The following DCBLD2 variants were observed in gnomAD, a reference collection of about 807,000 sequenced individuals.
DCBLD2 encodes the protein discoidin, CUB and LCCL domain-containing protein 2.
A neutral mutation model predicts 86.8 loss-of-function variants in DCBLD2; 54 were observed. The observed-to-expected ratio is 0.62, with a 90% CI of 0.50 to 0.78. DCBLD2 has a LOEUF of 0.78. DCBLD2 is among the 30% of genes least tolerant of loss of function. The probability of loss-of-function intolerance (pLI) is 0.00; values close to 1 mark genes in which losing one functional copy is unlikely to be tolerated. For synonymous variants in DCBLD2, 354 were observed against 341.3 expected (o/e 1.04, Z -0.41); for missense variants, 908 against 954.2 (o/e 0.95, Z 0.64).
rs1195785094 is a variant in DCBLD2, at chr3:98,796,510, T to A, written c.*2862A>T. The A allele has an allele frequency of 1.3e-5, 2 of 152,602 alleles. No individual in the cohort carries two copies. The highest frequency in any genetic ancestry group is 6.5e-5 in the Admixed American group (1 of 15,278). 9.5% of individuals were successfully genotyped at this position (152,602 alleles called of 1,614,324 possible). Reference sequence around the variant, plus strand: ...CACCTTCCACAGCTTTGTGGCCACATTCATATTTAGATAAGCTCGGACTCT... The same window carrying A: ...CACCTTCCACAGCTTTGTGGCCACAATCATATTTAGATAAGCTCGGACTCT... On this transcript the variant is annotated 3_prime_UTR_variant, in exon 16 of 16. Coordinates refer to ENST00000326840, the MANE Select transcript of DCBLD2 (RefSeq NM_080927.4).
intron 2 of DCBLD2, among the ~76,000 whole-genome samples, chr3:98,854,212 G>A (rs532872572): frequency 6.6e-6 from 1 of 152,158 alleles, no homozygotes; most frequent in African/African-American, 2.4e-5. Context: ...AAGAGGCCAT[G>A]ATAGCTCCTG....
chr3:98,867,762 A>AT (rs1375070160), intron 2 of DCBLD2, among the ~76,000 whole-genome samples: 7 of 151,198 alleles, frequency 4.6e-5, no homozygotes, highest in African/African-American at 1.5e-4. Flanking sequence ...ATGGAAAAGC[A>AT]TTTTTTTTAA....
At chr3:98,848,012 C>T (rs1312902297) in intron 3 of DCBLD2, among the ~76,000 whole-genome samples, 1 of 152,054 alleles carries the variant, frequency 6.6e-6, no homozygotes, top group African/African-American at 2.4e-5. Flanking sequence ...GGTACATGTG[C>T]AGGTTTGTTC....
intron 6 of DCBLD2, among the ~76,000 whole-genome samples, 154 bp from the exon 7 acceptor site, chr3:98,820,442 G>T (rs907374128): frequency 1.3e-5 from 2 of 151,978 alleles, no homozygotes; most frequent in African/African-American, 4.8e-5. Context: ...ATTGTTCCTA[G>T]GAAAAAAGTC....
At chr3:98,866,505 C>T (rs531013952) in intron 2 of DCBLD2, among the ~76,000 whole-genome samples, 3 of 152,154 alleles carry the variant, frequency 2.0e-5, no homozygotes, top group Non-Finnish European at 4.4e-5. Context: ...GCATAAATGT[C>T]TTCTTTTGAG....
At chr3:98,892,134 C>G (rs138099232) in intron 1 of DCBLD2, among the ~76,000 whole-genome samples, 251 of 152,204 alleles carry the variant, frequency 1.6e-3, no homozygotes, top group Admixed American at 6.5e-3. Context: ...GACTTAGATT[C>G]AAATTCTAGA....
intron 2 of DCBLD2, among the ~76,000 whole-genome samples, chr3:98,858,803 T>C (rs1455402872): frequency 6.6e-6 from 1 of 152,110 alleles, no homozygotes; most frequent in Non-Finnish European, 1.5e-5. Flanking sequence ...CCAACAGATA[T>C]ATGAAAAAAT....
intron 8 of DCBLD2, among the ~76,000 whole-genome samples, chr3:98,818,565 T>C (rs940839773): frequency 1.3e-5 from 2 of 152,236 alleles, no homozygotes; most frequent in African/African-American, 2.4e-5. Context: ...CAGGTGTGTC[T>C]GTGAGGGTGT....
chr3:98,858,012 A>G lies in DCBLD2; in HGVS notation c.434-8414T>C, dbSNP rs1942968346. Among the ~76,000 whole-genome samples the G allele has an allele frequency of 3.9e-5, 6 of 152,370 alleles. No homozygotes were observed. The South Asian group carries it at 1.2e-3, about 32-fold the overall frequency. Reference sequence around the variant, plus strand: ...TGGGTGGTCAATGGGACTGGGTGCCATGGAGCAGGGGGCGGTGCTCGTCGG... The same window carrying G: ...TGGGTGGTCAATGGGACTGGGTGCCGTGGAGCAGGGGGCGGTGCTCGTCGG... On this transcript the variant is annotated intron_variant, in intron 2 of 15. Transcript: ENST00000326840.
chr3:98,899,732 C>G (rs1943815958), intron 1 of DCBLD2, among the ~76,000 whole-genome samples: 1 of 152,124 alleles, frequency 6.6e-6, no homozygotes, highest in African/African-American at 2.4e-5. Flanking sequence ...ACCTTATATT[C>G]TTTGTGTCTC....
At chr3:98,809,362 T>C (rs1355229513) in intron 12 of DCBLD2, among the ~76,000 whole-genome samples, 1 of 151,822 alleles carries the variant, frequency 6.6e-6, no homozygotes, top group Non-Finnish European at 1.5e-5. Flanking sequence ...AACAACTGTA[T>C]CCAAAAGAGA....
chr3:98,810,393 C>T (rs766557526), intron 12 of DCBLD2, among the ~76,000 whole-genome samples: 8 of 152,216 alleles, frequency 5.3e-5, no homozygotes, highest in Non-Finnish European at 7.3e-5. Flanking sequence ...AGAAAGTTAT[C>T]TGAATCCAGG....
At chr3:98,872,265 A>T (rs1943291997) in intron 2 of DCBLD2, among the ~76,000 whole-genome samples, 2 of 152,194 alleles carry the variant, frequency 1.3e-5, no homozygotes, top group Admixed American at 1.3e-4. Flanking sequence ...CAGATCTCTT[A>T]TAAATTGATT....
In DCBLD2 at chr3:98,797,911, T is replaced by C. The variant is rs1450040895; in HGVS notation, c.*1461A>G. ...CATTAAATCTACAAACAAAGGTTTA[T>C]GGAAGAGGGAATGTCAAATTTATGT... On this transcript the variant is annotated 3_prime_UTR_variant, in exon 16 of 16. Coordinates refer to ENST00000326840, the MANE Select transcript of DCBLD2 (RefSeq NM_080927.4). The C allele has an allele frequency of 6.6e-6, 1 of 152,230 alleles. No homozygotes were observed. The highest frequency in any genetic ancestry group is 2.4e-5 in the African/African-American group (1 of 41,464). The allele number at this position is 152,230 out of a possible 1,614,324, so 9.4% of individuals were successfully genotyped here.
intron 3 of DCBLD2, among the ~76,000 whole-genome samples, chr3:98,825,639 GTATTTATATATATA>G (rs1442424012): frequency 5.4e-4 from 32 of 59,434 alleles, no homozygotes; most frequent in African/African-American, 1.1e-3. Context: ...ATGTATATGT[GTATTTATATATATA>G]TATATATATA....
chr3:98,840,538 C>T (rs764540671), intron 3 of DCBLD2, among the ~76,000 whole-genome samples: 88 of 152,224 alleles, frequency 5.8e-4, no homozygotes, highest in Admixed American at 1.7e-3. Flanking sequence ...GCTCTGTCAC[C>T]GAGGCTAGAG....
chr3:98,849,654 T>C (rs1942798444), intron 2 of DCBLD2, 56 bp from the exon 3 acceptor site: 3 of 1,565,360 alleles, frequency 1.9e-6, no homozygotes, highest in Non-Finnish European at 2.6e-6. Flanking sequence ...GTCAATAATA[T>C]TTGCAATGTA....
chr3:98,896,523 A>G (rs548425300), intron 1 of DCBLD2, among the ~76,000 whole-genome samples: 5 of 152,340 alleles, frequency 3.3e-5, no homozygotes, highest in Admixed American at 6.5e-5. Flanking sequence ...AAATTAGCCT[A>G]TAAGTTAATT....
In DCBLD2 at chr3:98,822,133, G is replaced by A. The variant is rs765051865; in HGVS notation, c.830+95C>T. The A allele has an allele frequency of 1.0e-5, 14 of 1,396,000 alleles. No individual in the cohort carries two copies. The Admixed American group carries it at 2.0e-4, about 20-fold the overall frequency. The allele number at this position is 1,396,000 out of a possible 1,614,324, so 86.5% of individuals were successfully genotyped here. A position where few individuals can be genotyped will look rare whatever the true frequency, so the allele number is the denominator to read the frequency against. The stretch of plus-strand genomic sequence containing the variant: ...TGTTCTTTCATGAACACCATTAACA[G>A]TGATACTGCTGAGATCTAGCTAGTT... On this transcript the variant is annotated intron_variant, in intron 6 of 15. Transcript: ENST00000326840.
Sources: gnomAD v4.1 joint callset for allele counts (sites outside exome capture counted in the v4.1 genomes callset) on GRCh38, gnomAD v4.1.1 for gene constraint, MANE v1.5 for transcripts, NCBI Gene and HGNC (gene_info 2026-07-23, HGNC 2026-07-21) for gene names.